The following NAA35 variants were observed in gnomAD, a reference collection of about 807,000 sequenced individuals.
NAA35 encodes N-alpha-acetyltransferase 35, NatC auxiliary subunit.
A neutral mutation model predicts 101.7 loss-of-function variants in NAA35; 18 were observed. The ratio of observed to expected loss-of-function variants is 0.18; its 90% CI spans 0.12 to 0.26. The LOEUF is 0.26. Among genes scored for constraint, NAA35 ranks in the 10% least tolerant of loss-of-function variants. The probability of loss-of-function intolerance (pLI) is 1.00; values close to 1 mark genes in which losing one functional copy is unlikely to be tolerated. For synonymous variants in NAA35, 267 were observed against 273.1 expected, an observed-to-expected ratio of 0.98 and a Z score of 0.22; for missense variants, 601 against 886.8, an observed-to-expected ratio of 0.68 and a Z score of 4.09.
rs114428073 is a variant in NAA35, at chr9:85,951,743, C to T, written c.125-4617C>T. 3.1e-3 allele frequency among the ~76,000 whole-genome samples: 474 copies of T among 152,268 alleles called. 1 individual carries two copies. The highest frequency in any genetic ancestry group is 0.011 in the African/African-American group (460 of 41,556). ...TGATCTCTGCTCACTGCCACCCCTGCCTCTGGGTTCAAGGGATTCTCCTGC... is the reference window on the plus strand; with the variant it reads ...TGATCTCTGCTCACTGCCACCCCTGTCTCTGGGTTCAAGGGATTCTCCTGC... On this transcript the variant is annotated intron_variant, in intron 2 of 22. Transcript: ENST00000361671.
chr9:86,004,635 T>C (rs910338829), intron 13 of NAA35, among the ~76,000 whole-genome samples: 1 of 152,182 alleles, frequency 6.6e-6, no homozygotes, highest in Non-Finnish European at 1.5e-5. Flanking sequence ...CAAAGCTCAT[T>C]CTTTGAAAAT....
chr9:86,023,528 A>C lies in NAA35; in HGVS notation c.*1568A>C, dbSNP rs112134863. ...CAAGTTAGAAAGCTGAGAAATTATT[A>C]TTCTTTCCCAGTGGCCAAGATACAA... is the stretch of plus-strand genomic sequence containing the variant. On this transcript the variant is annotated 3_prime_UTR_variant, in exon 23 of 23. Transcript: ENST00000361671. Among the ~76,000 whole-genome samples the C allele has an allele frequency of 1.9e-3, 288 of 152,358 alleles. No individual in the cohort carries two copies. Among genetic ancestry groups the C allele is most frequent in the African/African-American group, 6.4e-3 (266 of 41,596 alleles).
At chr9:85,975,387 A>G (rs1161369332) in intron 8 of NAA35, among the ~76,000 whole-genome samples, 1 of 152,170 alleles carries the variant, frequency 6.6e-6, no homozygotes, top group Non-Finnish European at 1.5e-5. Flanking sequence ...TTTCAAGTAC[A>G]GCCATCCCTC....
intron 3 of NAA35, 47 bp downstream of exon 3, chr9:85,956,440 G>GTT: frequency 1.7e-5 from 19 of 1,123,972 alleles, no homozygotes; most frequent in Admixed American, 3.0e-5. Flanking sequence ...GTTTCAGTCT[G>GTT]TTTTTTTTTC....
chr9:86,006,093 C>G (rs936695456), intron 13 of NAA35, among the ~76,000 whole-genome samples: 1 of 151,808 alleles, frequency 6.6e-6, no homozygotes, highest in African/African-American at 2.4e-5. Flanking sequence ...TTGCTTGAAG[C>G]TAGGAGGCAG....
intron 2 of NAA35, among the ~76,000 whole-genome samples, chr9:85,955,511 C>T (rs62568892): frequency 0.01 from 1,540 of 150,914 alleles, 12 homozygotes; most frequent in Non-Finnish European, 0.016. Context: ...TACAGGTGCC[C>T]ACCACCACAC....
At chr9:85,975,269 T>C in intron 8 of NAA35, 112 bp downstream of exon 8, 2 of 1,073,974 alleles carry the variant, frequency 1.9e-6, no homozygotes, top group Non-Finnish European at 2.7e-6. Context: ...TGCTTTGTAT[T>C]TTTTTTTTGT....
intron 6 of NAA35, among the ~76,000 whole-genome samples, chr9:85,968,424 A>G (rs1829855326): frequency 1.3e-5 from 2 of 152,076 alleles, no homozygotes; most frequent in Admixed American, 1.3e-4. Flanking sequence ...GTTAGCCAGG[A>G]TGGTCTCGAT....
intron 1 of NAA35, chr9:85,941,570 C>T (rs1283614876): frequency 1.0e-6 from 1 of 985,850 alleles, no homozygotes; most frequent in African/African-American, 1.7e-5. Flanking sequence ...TGGGCTGACC[C>T]GGGCAGGGCG....
chr9:86,011,932 AC>A (rs1397996621), intron 15 of NAA35, among the ~76,000 whole-genome samples: 3 of 141,692 alleles, frequency 2.1e-5, no homozygotes, highest in Non-Finnish European at 4.5e-5. Context: ...TATAATATAT[AC>A]TATAATATAT....
In NAA35 at chr9:85,956,453, CAT is replaced by C. The variant is rs1829281096; in HGVS notation, c.158+61_158+62del. 8 of 975,286 alleles carry C rather than the reference CAT, an allele frequency of 8.2e-6. No individual in the cohort carries two copies. The South Asian group carries it at 1.2e-4, about 15-fold the overall frequency. The allele number at this position is 975,286 out of a possible 1,614,324, so 60.4% of individuals were successfully genotyped here. A position where few individuals can be genotyped will look rare whatever the true frequency, so the allele number is the denominator to read the frequency against. ...ATGTTTCAGTCTGTTTTTTTTTCCT[CAT>C]GTGGAGTAATATTCCCTGAAGTTTG... is the stretch of plus-strand genomic sequence containing the variant. On this transcript the variant is annotated intron_variant, in intron 3 of 22. Transcript: ENST00000361671.
intron 20 of NAA35, 71 bp downstream of exon 20, chr9:86,018,466 C>G: frequency 4.0e-6 from 6 of 1,500,038 alleles, no homozygotes; most frequent in African/African-American, 1.4e-5. Context: ...CTGTTTGTAC[C>G]TAGCCATCTT....
chr9:85,976,774 G>T (rs1197697988), intron 9 of NAA35, 39 bp downstream of exon 9: 5 of 1,428,260 alleles, frequency 3.5e-6, no homozygotes, highest in Non-Finnish European at 4.8e-6. Context: ...TATCAGAGAA[G>T]TCTACCTGTT....
rs1192278855 is a variant in NAA35, at chr9:86,011,737, A to AAT, written c.1291-1298_1291-1297dup. 2.7e-5 allele frequency among the ~76,000 whole-genome samples: 4 copies of AAT among 148,006 alleles called. 1 individual carries two copies. Among genetic ancestry groups the AAT allele is most frequent in the South Asian group, 4.2e-4 (2 of 4,772 alleles). ...TTTTTGGGTCTACTTCCAGTTACTAAATATATATATATTTCATATATATAT... is the reference window on the plus strand; with the variant it reads ...TTTTTGGGTCTACTTCCAGTTACTAAATATATATATATATTTCATATATATAT... On this transcript the variant is annotated intron_variant, in intron 15 of 22. Coordinates refer to ENST00000361671, the MANE Select transcript of NAA35 (RefSeq NM_024635.4).
chr9:85,962,672 T>C (rs1300887204), intron 6 of NAA35, among the ~76,000 whole-genome samples: 1 of 152,164 alleles, frequency 6.6e-6, no homozygotes, highest in African/African-American at 2.4e-5. Context: ...AATTCAGTTC[T>C]CTCCAAGAAA....
chr9:85,986,452 C>T (rs780813745), intron 11 of NAA35: 79 of 469,916 alleles, frequency 1.7e-4, no homozygotes, highest in Non-Finnish European at 2.6e-4. Flanking sequence ...TACACATTGT[C>T]TCTGACTTCC....
chr9:85,966,774 C>A, intron 6 of NAA35: 1 of 408,858 alleles, frequency 2.4e-6, no homozygotes, highest in Non-Finnish European at 4.2e-6. Flanking sequence ...ATACTGATAT[C>A]ATTTAAACTA....
At chr9:86,015,824 G>T (rs1832182037) in intron 17 of NAA35, 26 of 971,224 alleles carry the variant, frequency 2.7e-5, no homozygotes, top group Non-Finnish European at 3.1e-5. Context: ...GTTGCCTATA[G>T]AAATCCTTCA....
chr9:85,969,259 AC>A (rs1029518121), intron 6 of NAA35, among the ~76,000 whole-genome samples: 2 of 139,534 alleles, frequency 1.4e-5, no homozygotes, highest in African/African-American at 2.9e-5. Context: ...AGATTTTGAG[AC>A]CTGGTATGTC....
Sources: gnomAD v4.1 joint callset for allele counts (sites outside exome capture counted in the v4.1 genomes callset) on GRCh38, gnomAD v4.1.1 for gene constraint, MANE v1.5 for transcripts, NCBI Gene and HGNC (gene_info 2026-07-23, HGNC 2026-07-21) for gene names.